TNS3: variants seen among roughly 807,000 people sequenced by gnomAD.
TNS3 encodes tensin 3, also known as tensin-3.
A neutral mutation model predicts 140.9 loss-of-function variants in TNS3; 45 were observed. The observed-to-expected ratio is 0.32, with a 90% CI of 0.25 to 0.41. TNS3 has a LOEUF of 0.41. Among genes scored for constraint, TNS3 ranks in the 10% least tolerant of loss-of-function variants. TNS3 has a pLI of 1.00. For synonymous variants in TNS3, 815 were observed against 788.4 expected (o/e 1.03, Z -0.56); for missense variants, 1,716 against 1,906.7 (o/e 0.90, Z 1.86).
chr7:47,511,882 G>A (rs921749349), intron 2 of TNS3, among the ~76,000 whole-genome samples: 4 of 152,204 alleles, frequency 2.6e-5, no homozygotes, highest in African/African-American at 4.8e-5. Flanking sequence ...ACCTCCCCCT[G>A]CAGAAGACAC....
intron 16 of TNS3, among the ~76,000 whole-genome samples, chr7:47,378,978 G>A (rs1157009153): frequency 6.6e-6 from 1 of 152,244 alleles, no homozygotes; most frequent in East Asian, 1.9e-4. Flanking sequence ...TTCAGTGCTG[G>A]TGAGGACAGG....
chr7:47,529,254 A>C (rs1562833892), intron 1 of TNS3, 107 bp from the exon 2 acceptor site: 1 of 604,488 alleles, frequency 1.7e-6, no homozygotes, highest in Non-Finnish European at 2.4e-6. Flanking sequence ...AAAGAGCAAA[A>C]ACAGGAATTT....
At chr7:47,357,324 C>T (rs1406273497) in intron 17 of TNS3, among the ~76,000 whole-genome samples, 1 of 152,136 alleles carries the variant, frequency 6.6e-6, no homozygotes, top group Non-Finnish European at 1.5e-5. Context: ...GGAGTGAAAA[C>T]AAATAACAGG....
Position 47,369,108 on chromosome 7 carries a change from T to C in TNS3, c.1538A>G (p.His513Arg). The C allele has an allele frequency of 6.2e-7, 1 of 1,613,934 alleles. No homozygotes were observed. Among genetic ancestry groups the C allele is most frequent in the Non-Finnish European group, 8.5e-7 (1 of 1,180,018 alleles). The change falls in exon 17 of 31, where the codon CAC becomes CGC. Residue 513 changes from histidine to arginine, a missense_variant. His to Arg is a conservative substitution (Grantham distance 29). Coordinates refer to ENST00000311160, the MANE Select transcript of TNS3 (RefSeq NM_022748.12). ...QSAHLGPFTCHKSSQNSLLSD... is the reference protein window; with the variant it reads ...QSAHLGPFTCRKSSQNSLLSD... Reference sequence around the variant, plus strand: ...TAGGAGTGAGTTCTGGCTGCTCTTGTGGCAGGTGAAGGGACCCAGGTGGGC... The same window carrying C: ...TAGGAGTGAGTTCTGGCTGCTCTTGCGGCAGGTGAAGGGACCCAGGTGGGC...
chr7:47,358,801 G>C (rs1021423886), intron 17 of TNS3, among the ~76,000 whole-genome samples: 7 of 152,210 alleles, frequency 4.6e-5, no homozygotes, highest in South Asian at 2.1e-4. Context: ...CACCCTGACA[G>C]AGGGAGAGAA....
At chr7:47,552,154 A>C (rs1800081773) in intron 1 of TNS3, among the ~76,000 whole-genome samples, 1 of 152,026 alleles carries the variant, frequency 6.6e-6, no homozygotes, top group African/African-American at 2.4e-5. Flanking sequence ...TTTTGGCTGC[A>C]AGATAGATTC....
chr7:47,395,959 C>G (rs538144562), intron 16 of TNS3, among the ~76,000 whole-genome samples: 1 of 152,230 alleles, frequency 6.6e-6, no homozygotes, highest in Non-Finnish European at 1.5e-5. Flanking sequence ...CACAGACACC[C>G]CCTTCCTGGA....
At chr7:47,500,412 G>A (rs967177105) in intron 3 of TNS3, among the ~76,000 whole-genome samples, 1 of 152,350 alleles carries the variant, frequency 6.6e-6, no homozygotes, top group East Asian at 1.9e-4. Flanking sequence ...CAGGACCATC[G>A]CAGGCTTTAG....
At chr7:47,568,899 A>G (rs1017617626) in intron 1 of TNS3, among the ~76,000 whole-genome samples, 3 of 152,238 alleles carry the variant, frequency 2.0e-5, no homozygotes, top group Non-Finnish European at 4.4e-5. Context: ...TGATAGAGCG[A>G]TAACTTGTAC....
chr7:47,386,928 C>T (rs75821912), intron 16 of TNS3, among the ~76,000 whole-genome samples: 1,985 of 152,314 alleles, frequency 0.013, 36 homozygotes, highest in African/African-American at 0.044. Context: ...GGAACACACC[C>T]ACTAGTCTCT....
At position 47,442,019 on chromosome 7, in the gene TNS3, G is replaced by A. The variant is rs200571262; in HGVS notation, c.-39C>T. ...GACACTCACCGCAGAGGTTTATCACGGCAGAGAGAACTGGACAGCGTGGAA... is the reference window on the plus strand; with the variant it reads ...GACACTCACCGCAGAGGTTTATCACAGCAGAGAGAACTGGACAGCGTGGAA... On this transcript the variant is annotated 5_prime_UTR_variant, in exon 5 of 31. Coordinates refer to ENST00000311160, the MANE Select transcript of TNS3 (RefSeq NM_022748.12). 8.8e-5 allele frequency: 113 copies of A among 1,289,768 alleles called. No individual in the cohort carries two copies. The highest frequency in any genetic ancestry group is 2.1e-4 in the Middle Eastern group (1 of 4,698). The allele number at this position is 1,289,768 out of a possible 1,614,324, so 79.9% of individuals were successfully genotyped here.
chr7:47,535,693 G>A (rs1799574308), intron 1 of TNS3, among the ~76,000 whole-genome samples: 7 of 152,234 alleles, frequency 4.6e-5, no homozygotes, highest in Admixed American at 4.6e-4. Flanking sequence ...ATTAGTGCTG[G>A]TCTTGATTGT....
chr7:47,532,951 AAAGG>A (rs1367670234), intron 1 of TNS3, among the ~76,000 whole-genome samples: 1 of 151,698 alleles, frequency 6.6e-6, no homozygotes, highest in East Asian at 1.9e-4. Context: ...CTAAATGGCA[AAAGG>A]AAGTAAAACA....
chr7:47,444,622 G>A (rs1027132301), intron 4 of TNS3, among the ~76,000 whole-genome samples: 11 of 152,222 alleles, frequency 7.2e-5, no homozygotes, highest in Admixed American at 2.0e-4. Flanking sequence ...TGTCCCTGAC[G>A]GAACCCAGGG....
intron 1 of TNS3, among the ~76,000 whole-genome samples, chr7:47,573,584 G>A (rs1025718002): frequency 4.0e-5 from 6 of 151,780 alleles, no homozygotes; most frequent in East Asian, 3.9e-4. Flanking sequence ...CCCCTCCATC[G>A]CGACGGGTCC....
At chr7:47,411,628 G>A (rs1408957767) in intron 13 of TNS3, 99 bp downstream of exon 13, 1 of 1,288,740 alleles carries the variant, frequency 7.8e-7, no homozygotes, top group Admixed American at 2.3e-5. Context: ...CTTTTTTTGG[G>A]GGTGAGGGTT....
At chr7:47,557,886 TTCTCCAGAGGAAG>T (rs1179445392) in intron 1 of TNS3, among the ~76,000 whole-genome samples, 1 of 152,226 alleles carries the variant, frequency 6.6e-6, no homozygotes, top group Non-Finnish European at 1.5e-5. Context: ...TGTCATGGAA[TTCTCCAGAGGAAG>T]TCTCCAAACT....
In TNS3 at chr7:47,389,004, AAGAAGAAGAAGAAG is replaced by A. The variant is rs1792258292; in HGVS notation, c.1024+7782_1024+7795del. Among the ~76,000 whole-genome samples the A allele has an allele frequency of 8.5e-3, 481 of 56,792 alleles. 75 individuals carry two copies. The highest frequency in any genetic ancestry group is 0.022 in the African/African-American group (337 of 15,348). The allele number at this position is 56,792 out of a possible 152,430, so 37.3% of individuals were successfully genotyped here. ...CAGCAGAGGAAGAAGAAGAAGAAGGAAGAAGAAGAAGAAGAAGAAGAAGAAGAAGAAGAAGAAGA... is the reference window on the plus strand; with the variant it reads ...CAGCAGAGGAAGAAGAAGAAGAAGGAAAGAAGAAGAAGAAGAAGAAGAAGA... On this transcript the variant is annotated intron_variant, in intron 16 of 30. Transcript: ENST00000311160.
At chr7:47,387,769 G>A (rs972117721) in intron 16 of TNS3, among the ~76,000 whole-genome samples, 4 of 152,222 alleles carry the variant, frequency 2.6e-5, no homozygotes, top group East Asian at 1.9e-4. Flanking sequence ...GCCAGAGCAC[G>A]CACAAGTTCT....
Sources: allele counts gnomAD v4.1 joint callset (sites outside exome capture counted in the v4.1 genomes callset), GRCh38; gene constraint gnomAD v4.1.1; transcripts MANE v1.5; gene names NCBI Gene and HGNC (gene_info 2026-07-23, HGNC 2026-07-21).